The following DIAPH2 variants were observed in gnomAD, a reference collection of about 807,000 sequenced individuals.
The protein encoded by DIAPH2 is protein diaphanous homolog 2.
In DIAPH2, 35 loss-of-function variants were observed where a neutral mutation model predicts 92.7. The observed-to-expected ratio is 0.38, with a 90% CI of 0.29 to 0.50. The LOEUF (loss-of-function observed/expected upper bound fraction) is 0.50, where lower values mean the gene tolerates loss of function less well. Among genes scored for constraint, DIAPH2 ranks in the 20% least tolerant of loss-of-function variants. DIAPH2 has a pLI of 0.94. For synonymous variants in DIAPH2, 301 were observed against 280.4 expected, an observed-to-expected ratio of 1.07 and a Z score of -0.73; for missense variants, 701 against 819.5, an observed-to-expected ratio of 0.86 and a Z score of 1.77.
chrX:97,517,852 A>G (rs1306724250), intron 26 of DIAPH2, among the ~76,000 whole-genome samples: 1 of 112,484 alleles, frequency 8.9e-6, no homozygotes, highest in Non-Finnish European at 1.9e-5. Flanking sequence ...AACCAGCAAA[A>G]TCATGTTATA....
At chrX:96,849,109 T>C (rs1439865807) in intron 4 of DIAPH2, among the ~76,000 whole-genome samples, 1 of 112,037 alleles carries the variant, frequency 8.9e-6, no homozygotes, top group Non-Finnish European at 1.9e-5. Flanking sequence ...TCAGCCCTTT[T>C]ATTTATTTTT....
At chrX:96,958,242 G>T in intron 16 of DIAPH2, 94 bp downstream of exon 16, 1 of 952,259 alleles carries the variant, frequency 1.1e-6, no homozygotes, top group East Asian at 3.4e-5. Context: ...TATGACTGCT[G>T]ACTCTTTCCG....
At chrX:97,260,533 G>T (rs892508748) in intron 23 of DIAPH2, among the ~76,000 whole-genome samples, 7 of 112,145 alleles carry the variant, frequency 6.2e-5, no homozygotes, top group Non-Finnish European at 1.1e-4. Context: ...GTACCTTGGC[G>T]ATGATTTGGT....
intron 23 of DIAPH2, among the ~76,000 whole-genome samples, chrX:97,334,993 C>CAAAAAAA (rs1314227612): frequency 4.7e-3 from 31 of 6,623 alleles, no homozygotes; most frequent in African/African-American, 7.3e-3. Context: ...AAAACAAAAA[C>CAAAAAAA]AAAACAAAAA....
chrX:96,758,693 T>A (rs2064247770), intron 4 of DIAPH2, among the ~76,000 whole-genome samples: 1 of 112,137 alleles, frequency 8.9e-6, no homozygotes, highest in Admixed American at 9.5e-5. Flanking sequence ...CCATATTTTT[T>A]AATTCGCAGT....
chrX:97,044,790 A>G (rs1317029012), intron 17 of DIAPH2, among the ~76,000 whole-genome samples: 1 of 111,153 alleles, frequency 9.0e-6, no homozygotes, highest in African/African-American at 3.3e-5. Flanking sequence ...CTTCTCAGAG[A>G]GCAAAGCCCC....
At chrX:96,755,764 A>G (rs60321581) in intron 3 of DIAPH2, among the ~76,000 whole-genome samples, 7,221 of 111,411 alleles carry the variant, frequency 0.065, 205 homozygotes, top group African/African-American at 0.085. Flanking sequence ...GTAAAGGGAT[A>G]AAAATACTGA....
intron 3 of DIAPH2, among the ~76,000 whole-genome samples, chrX:96,748,119 G>A (rs2064161558): frequency 1.8e-5 from 2 of 111,962 alleles, no homozygotes; most frequent in Middle Eastern, 4.2e-3. Context: ...TTTTATTGCC[G>A]AGCATGATTT....
rs1207041361 is a variant in DIAPH2 at position 96,939,402 on chromosome X, G to A, written c.1325+20G>A. On this transcript the variant is annotated intron_variant, in intron 12 of 26. Transcript: ENST00000324765. ...TATCAGGTAAGAGGCAGTTCTGAGA[G>A]TACTATATTTATAATTTGAATCGGA... 2 of 703,600 alleles carry A rather than the reference G, an allele frequency of 2.8e-6. No homozygotes were observed. Among genetic ancestry groups the A allele is most frequent in the Non-Finnish European group, 2.2e-6 (1 of 464,350 alleles). 58.0% of individuals were successfully genotyped at this position (703,600 alleles called of 1,213,427 possible).
chrX:96,751,562 C>A (rs944093059), intron 3 of DIAPH2, among the ~76,000 whole-genome samples: 28 of 96,412 alleles, frequency 2.9e-4, no homozygotes, highest in South Asian at 5.5e-4. Context: ...GGTGGAAGAG[C>A]GAGACTCTGT....
intron 26 of DIAPH2, among the ~76,000 whole-genome samples, chrX:97,585,748 C>T (rs1336160713): frequency 9.0e-6 from 1 of 111,441 alleles, no homozygotes; most frequent in African/African-American, 3.3e-5. Flanking sequence ...CCACTTACTC[C>T]TCAACCTTCT....
chrX:97,218,668 C>T (rs1215431002), intron 22 of DIAPH2, among the ~76,000 whole-genome samples: 1 of 110,652 alleles, frequency 9.0e-6, no homozygotes, highest in Non-Finnish European at 1.9e-5. Context: ...TCTATAACTG[C>T]TGGAGATACC....
At position 97,163,313 on chromosome X, in the gene DIAPH2, C is replaced by T. The variant is rs2067388308; in HGVS notation, c.2719+21519C>T. Among the ~76,000 whole-genome samples the T allele has an allele frequency of 2.7e-5, 3 of 111,118 alleles. 1 individual carries two copies. In the South Asian group the frequency reaches 1.2e-3, roughly 43 times the overall value. On this transcript the variant is annotated intron_variant, in intron 22 of 26. Coordinates refer to ENST00000324765, the MANE Select transcript of DIAPH2 (RefSeq NM_006729.5). ...TCAGCAACTGCCCCCACCCCTACCT[C>T]GCCATAGTGGGGGCTACAAGCACAT...
intron 17 of DIAPH2, among the ~76,000 whole-genome samples, chrX:96,975,213 A>T (rs1195733813): frequency 9.0e-6 from 1 of 111,583 alleles, no homozygotes; most frequent in Non-Finnish European, 1.9e-5. Context: ...TTTCTTTAGG[A>T]TCATATTTTA....
chrX:97,300,651 G>A (rs1293698252), intron 23 of DIAPH2, among the ~76,000 whole-genome samples: 3 of 103,299 alleles, frequency 2.9e-5, no homozygotes, highest in African/African-American at 1.0e-4. Flanking sequence ...GAATGTCTCC[G>A]GCCGGGCGCG....
At chrX:97,087,346 G>A (rs1230653113) in intron 19 of DIAPH2, among the ~76,000 whole-genome samples, 3 of 111,790 alleles carry the variant, frequency 2.7e-5, no homozygotes, top group Non-Finnish European at 3.8e-5. Context: ...TTTTTCTTCA[G>A]TGTATATAGC....
intron 17 of DIAPH2, among the ~76,000 whole-genome samples, chrX:97,012,839 A>G (rs2066236474): frequency 8.9e-6 from 1 of 112,523 alleles, no homozygotes; most frequent in East Asian, 2.8e-4. Context: ...CTTCATCACA[A>G]CATTGGAAAA....
chrX:96,701,533 G>A (rs1204939050), intron 1 of DIAPH2: 2 of 110,074 alleles, frequency 1.8e-5, no homozygotes, highest in Admixed American at 9.8e-5. Context: ...GCAGTAGTGA[G>A]AAGTGGGGAA....
intron 1 of DIAPH2, 124 bp from the exon 2 acceptor site, chrX:96,735,630 ACTTT>A (rs956141296): frequency 1.6e-4 from 71 of 434,853 alleles, no homozygotes; most frequent in Non-Finnish European, 2.7e-4. Flanking sequence ...ATATGTTTGA[ACTTT>A]CTGATTCTTT....
Sources: gnomAD v4.1 joint callset for allele counts (sites outside exome capture counted in the v4.1 genomes callset) on GRCh38, gnomAD v4.1.1 for gene constraint, MANE v1.5 for transcripts, NCBI Gene and HGNC (gene_info 2026-07-23, HGNC 2026-07-21) for gene names.